The following SIRPA variants were observed in gnomAD, a reference collection of about 807,000 sequenced individuals.
SIRPA encodes the protein signal regulatory protein alpha.
SIRPA carries 9 observed loss-of-function variants against 50.3 expected under a neutral mutation model. The ratio of observed to expected loss-of-function variants is 0.18; its 90% CI spans 0.11 to 0.31. The LOEUF is 0.31. SIRPA is among the 10% of genes least tolerant of loss of function. The pLI, the probability that SIRPA is intolerant of heterozygous loss-of-function variation, is 1.00. For missense variants in SIRPA, 474 were observed against 661.6 expected (o/e 0.72, Z 3.11); for synonymous variants, 265 against 284.1 (o/e 0.93, Z 0.68).
chr20:1,924,003 T>C lies in SIRPA; in HGVS notation c.1088-761T>C, dbSNP rs1985825494. Among the ~76,000 whole-genome samples the C allele has an allele frequency of 6.6e-6, 1 of 151,846 alleles. No individual in the cohort carries two copies. Among genetic ancestry groups the C allele is most frequent in the Non-Finnish European group, 1.5e-5 (1 of 67,934 alleles). ...CTGGTTGGTTGGTTGGTTGGTTGGT[T>C]GGTTGGTTGGTTGGTTGGTTACATA... is the stretch of plus-strand genomic sequence containing the variant. On this transcript the variant is annotated intron_variant, in intron 4 of 7. Transcript: ENST00000358771. The surrounding 1 kb of genome is among the most constrained non-coding windows in gnomAD (Gnocchi z 4.5).
At chr20:1,900,958 G>A (rs570322541) in intron 1 of SIRPA, among the ~76,000 whole-genome samples, 1 of 152,222 alleles carries the variant, frequency 6.6e-6, no homozygotes, top group East Asian at 1.9e-4. Flanking sequence ...GAAGCAGCTT[G>A]CCCAAGGCCA....
intron 6 of SIRPA, among the ~76,000 whole-genome samples, chr20:1,929,247 A>G (rs1405684421): frequency 6.6e-6 from 1 of 152,100 alleles, no homozygotes; most frequent in African/African-American, 2.4e-5. Context: ...AGCCCAGACT[A>G]CAGGAGGTGA....
chr20:1,929,588 T>C (rs1387125263), intron 6 of SIRPA, among the ~76,000 whole-genome samples: 1 of 152,002 alleles, frequency 6.6e-6, no homozygotes, highest in African/African-American at 2.4e-5. Flanking sequence ...GCAGTGTGAG[T>C]CCAAGGTACT....
chr20:1,911,313 A>G (rs1262580853), intron 1 of SIRPA, among the ~76,000 whole-genome samples: 1 of 152,230 alleles, frequency 6.6e-6, no homozygotes, highest in Non-Finnish European at 1.5e-5. Context: ...TTCTTCACTC[A>G]TATTTTTACT....
intron 5 of SIRPA, among the ~76,000 whole-genome samples, chr20:1,925,217 C>T (rs939471710): frequency 2.0e-5 from 3 of 152,186 alleles, no homozygotes; most frequent in Admixed American, 1.3e-4. Flanking sequence ...AGGAGCCTCC[C>T]GGCAGACTTC....
chr20:1,901,458 A>G (rs909229393), intron 1 of SIRPA, among the ~76,000 whole-genome samples: 7 of 152,144 alleles, frequency 4.6e-5, no homozygotes, highest in African/African-American at 1.7e-4. Flanking sequence ...GGCGTGAGCC[A>G]CTGCACCCGG....
At chr20:1,906,837 G>A in intron 1 of SIRPA, among the ~76,000 whole-genome samples, 1 of 152,184 alleles carries the variant, frequency 6.6e-6, no homozygotes, top group East Asian at 1.9e-4. Context: ...TGTGTTGGAA[G>A]TTGAGCCAGC....
intron 4 of SIRPA, among the ~76,000 whole-genome samples, chr20:1,923,777 G>A (rs896759921): frequency 6.6e-6 from 1 of 152,236 alleles, no homozygotes; most frequent in African/African-American, 2.4e-5. Context: ...TGTGACCTTG[G>A]ACAAGTCAGT....
At chr20:1,905,615 C>T (rs1984500950) in intron 1 of SIRPA, among the ~76,000 whole-genome samples, 1 of 152,208 alleles carries the variant, frequency 6.6e-6, no homozygotes, top group Non-Finnish European at 1.5e-5. Flanking sequence ...TTACTCCAGG[C>T]CTCAGTTTCT....
intron 2 of SIRPA, 140 bp from the exon 3 acceptor site, chr20:1,921,255 G>A: frequency 6.8e-7 from 1 of 1,463,870 alleles, no homozygotes; most frequent in Non-Finnish European, 9.2e-7. Context: ...ATGACAATAA[G>A]GACACCGCCC....
chr20:1,929,557 C>T (rs1050926434), intron 6 of SIRPA, among the ~76,000 whole-genome samples: 1 of 147,522 alleles, frequency 6.8e-6, no homozygotes, highest in Non-Finnish European at 1.5e-5. Flanking sequence ...TGGGAAGCAT[C>T]AGGTGCCCCG....
chr20:1,934,670 G>C lies in SIRPA; in HGVS notation c.1227-45G>C, dbSNP rs1263791164. 1.3e-6 allele frequency: 2 copies of C among 1,598,182 alleles called. No homozygotes were observed. The highest frequency in any genetic ancestry group is 1.7e-6 in the Non-Finnish European group (2 of 1,165,590). ...TTCTTATCAGTTTGCATGAGCACTTGAGATAGTGAGGGTATTTTTATCTGT... is the reference window on the plus strand; with the variant it reads ...TTCTTATCAGTTTGCATGAGCACTTCAGATAGTGAGGGTATTTTTATCTGT... On this transcript the variant is annotated intron_variant, in intron 6 of 7. Transcript: ENST00000358771. The surrounding 1 kb of genome is among the most constrained non-coding windows in gnomAD (Gnocchi z 4.6).
At chr20:1,896,703 G>C (rs1034310497) in intron 1 of SIRPA, among the ~76,000 whole-genome samples, 1 of 151,996 alleles carries the variant, frequency 6.6e-6, no homozygotes, top group Non-Finnish European at 1.5e-5. Context: ...AGAAGTATGG[G>C]GGGTAGACAG....
chr20:1,908,393 G>A (rs1010911674), intron 1 of SIRPA, among the ~76,000 whole-genome samples: 11 of 151,594 alleles, frequency 7.3e-5, no homozygotes, highest in Non-Finnish European at 1.0e-4. Flanking sequence ...CCACACTCAC[G>A]TGCATGCCGC....
Position 1,918,557 on chromosome 20 carries a change from C to T in SIRPA, c.437-2838C>T, listed in dbSNP as rs556906969. On this transcript the variant is annotated intron_variant, in intron 2 of 7. Coordinates refer to ENST00000358771, the MANE Select transcript of SIRPA (RefSeq NM_001040023.2). ...TGTGTTACCTTGGGCAACCCAGTTC[C>T]CCTTGCTGAGCCTCAGTTTCCCCAT... Among the ~76,000 whole-genome samples the T allele has an allele frequency of 3.9e-5, 6 of 151,942 alleles. No homozygotes were observed. In the East Asian group the frequency reaches 9.7e-4, roughly 25 times the overall value.
In SIRPA at chr20:1,915,167, A is replaced by G. The variant is rs17855609; in HGVS notation, c.148A>G (p.Thr50Ala). 5.0e-6 allele frequency: 7 copies of G among 1,403,976 alleles called. No homozygotes were observed. Among genetic ancestry groups the G allele is most frequent in the African/African-American group, 4.3e-5 (3 of 70,062 alleles). The allele number at this position is 1,403,976 out of a possible 1,614,324, so 87.0% of individuals were successfully genotyped here. ...GTCCGTGTTGGTTGCAGCTGGAGAGACAGCCACTCTGCGCTGCACTGCGAC... is the reference window on the plus strand; with the variant it reads ...GTCCGTGTTGGTTGCAGCTGGAGAGGCAGCCACTCTGCGCTGCACTGCGAC... ...DKSVLVAAGE[T>A]ATLRCTATSL... The change falls in exon 2 of 8, where the codon ACA (threonine) becomes GCA (alanine). Residue 50 changes from threonine (T) to alanine (A), a missense_variant. By Grantham distance (58) the Thr-to-Ala change is moderately conservative. Coordinates refer to ENST00000358771, the MANE Select transcript of SIRPA (RefSeq NM_001040023.2).
At position 1,924,518 on chromosome 20, in the gene SIRPA, G is replaced by A. The variant is rs145811775; in HGVS notation, c.1088-246G>A. On this transcript the variant is annotated intron_variant, in intron 4 of 7. Coordinates refer to ENST00000358771, the MANE Select transcript of SIRPA (RefSeq NM_001040023.2). The surrounding 1 kb of genome is among the most constrained non-coding windows in gnomAD (Gnocchi z 4.5). ...TGTATCCTGCAGCAGGGGTTCCTCC[G>A]TAGCTGTCAGCTACAAATATATTCC... is the stretch of plus-strand genomic sequence containing the variant. Among the ~76,000 whole-genome samples, 59 of 152,308 alleles carry A rather than the reference G, an allele frequency of 3.9e-4. No homozygotes were observed. Among genetic ancestry groups the A allele is most frequent in the Non-Finnish European group, 6.5e-4 (44 of 68,032 alleles).
rs1383263209 is a variant in SIRPA at position 1,934,833 on chromosome 20, GT to G, written c.1266+81del. ...CACATCAACCGGAATTGCAGATCTG[GT>G]TCTAAATTAAGACTCCTTGTGGGGT... On this transcript the variant is annotated intron_variant, in intron 7 of 7. Coordinates refer to ENST00000358771, the MANE Select transcript of SIRPA (RefSeq NM_001040023.2). The surrounding 1 kb of genome is among the most constrained non-coding windows in gnomAD (Gnocchi z 4.6). 6.6e-7 allele frequency: 1 copy of G among 1,512,302 alleles called. No homozygotes were observed. Among genetic ancestry groups the G allele is most frequent in the African/African-American group, 1.4e-5 (1 of 72,840 alleles). 93.7% of individuals were successfully genotyped at this position (1,512,302 alleles called of 1,614,324 possible).
At chr20:1,935,010 G>A (rs1986496555) in intron 7 of SIRPA, among the ~76,000 whole-genome samples, 1 of 152,184 alleles carries the variant, frequency 6.6e-6, no homozygotes, top group Admixed American at 6.5e-5. Context: ...TCCGTCCTAT[G>A]AAAATGGTGC....
Sources: allele counts gnomAD v4.1 joint callset (sites outside exome capture counted in the v4.1 genomes callset), GRCh38; gene constraint gnomAD v4.1.1; non-coding constraint Gnocchi (gnomAD v3.1); transcripts MANE v1.5; gene names NCBI Gene and HGNC (gene_info 2026-07-23, HGNC 2026-07-21).